The following TTLL5 variants were observed in gnomAD, a reference collection of about 807,000 sequenced individuals.
TTLL5 encodes the protein tubulin polyglutamylase TTLL5.
TTLL5 carries 132 observed loss-of-function variants against 168.4 expected under a neutral mutation model. That is an observed-to-expected ratio of 0.78 (90% CI 0.68 to 0.91). The LOEUF (loss-of-function observed/expected upper bound fraction) is 0.91, where lower values mean the gene tolerates loss of function less well. Among genes scored for constraint, TTLL5 ranks in the 40% least tolerant of loss-of-function variants. The probability of loss-of-function intolerance (pLI) is 0.00; values close to 1 mark genes in which losing one functional copy is unlikely to be tolerated. For synonymous variants in TTLL5, 546 were observed against 558.6 expected, an observed-to-expected ratio of 0.98 and a Z score of 0.32; for missense variants, 1,545 against 1,581.5, an observed-to-expected ratio of 0.98 and a Z score of 0.39.
chr14:75,928,536 C>T (rs1402428451), intron 31 of TTLL5, among the ~76,000 whole-genome samples: 1 of 151,642 alleles, frequency 6.6e-6, no homozygotes, highest in Admixed American at 6.6e-5. Flanking sequence ...TAGAATTAAA[C>T]TAATTAGAAT....
At chr14:75,936,020 T>C (rs1390098160) in intron 31 of TTLL5, among the ~76,000 whole-genome samples, 26 of 152,246 alleles carry the variant, frequency 1.7e-4, no homozygotes, top group Admixed American at 1.4e-3. Context: ...CTCTATTCTC[T>C]TAAATAGTAA....
At chr14:75,685,446 T>G (rs935246645) in intron 5 of TTLL5, among the ~76,000 whole-genome samples, 4 of 152,128 alleles carry the variant, frequency 2.6e-5, no homozygotes, top group Non-Finnish European at 5.9e-5. Flanking sequence ...CATCATATTC[T>G]TTGGAACAAT....
chr14:75,683,761 G>T, intron 5 of TTLL5, 105 bp downstream of exon 5: 4 of 785,466 alleles, frequency 5.1e-6, no homozygotes, highest in Non-Finnish European at 6.0e-6. Flanking sequence ...AGATGAAAAT[G>T]AAGAAGAAGA....
At chr14:75,830,272 G>T (rs554317003) in intron 28 of TTLL5, among the ~76,000 whole-genome samples, 13 of 152,300 alleles carry the variant, frequency 8.5e-5, no homozygotes, top group Non-Finnish European at 1.8e-4. Context: ...TCCAAAGTGA[G>T]CACCTGCATC....
At chr14:75,924,456 G>A (rs1392116926) in intron 31 of TTLL5, among the ~76,000 whole-genome samples, 1 of 151,744 alleles carries the variant, frequency 6.6e-6, no homozygotes, top group Admixed American at 6.6e-5. Context: ...GTGTCCCTGG[G>A]TACTTGAGAT....
At chr14:75,681,252 A>C (rs1209200994) in intron 3 of TTLL5, among the ~76,000 whole-genome samples, 2 of 152,216 alleles carry the variant, frequency 1.3e-5, no homozygotes, top group Admixed American at 6.5e-5. Context: ...GCAGGGTCAC[A>C]GATAATGTTA....
At chr14:75,662,820 G>A (rs1041334461) in intron 1 of TTLL5, among the ~76,000 whole-genome samples, 3 of 152,038 alleles carry the variant, frequency 2.0e-5, no homozygotes, top group African/African-American at 7.2e-5. Flanking sequence ...CTTAGTAACA[G>A]CTCTTCAAAT....
In TTLL5 at chr14:75,736,317, CT is replaced by C. The variant is rs758502075; in HGVS notation, c.1281+1032del. On this transcript the variant is annotated intron_variant, in intron 15 of 31. Coordinates refer to ENST00000298832, the MANE Select transcript of TTLL5 (RefSeq NM_015072.5). ...TCCACTCCCATTCCTGCTCTTGTTC[CT>C]TTTGCTTGCTAGTCTCATTTGGAGT... Among the ~76,000 whole-genome samples, 7 of 152,140 alleles carry C rather than the reference CT, an allele frequency of 4.6e-5. No individual in the cohort carries two copies. In the East Asian group the frequency reaches 1.4e-3, roughly 29 times the overall value.
rs138736527 is a variant in TTLL5 at position 75,770,620 on chromosome 14, G to A, written c.2016-1114G>A. On this transcript the variant is annotated intron_variant, in intron 20 of 31. Transcript: ENST00000298832. ...AACAGATCTGCCATGAACAGCAGCT[G>A]AGGTGAAAATCATCAGTGTCTCTCT... Among the ~76,000 whole-genome samples the A allele has an allele frequency of 3.5e-3, 529 of 152,332 alleles. 12 individuals are homozygous for A. Among genetic ancestry groups the A allele is most frequent in the Admixed American group, 0.028 (430 of 15,296 alleles).
intron 31 of TTLL5, among the ~76,000 whole-genome samples, chr14:75,942,854 T>A (rs1005810614): frequency 3.9e-5 from 6 of 152,150 alleles, no homozygotes; most frequent in Non-Finnish European, 8.8e-5. Flanking sequence ...TTACAGGTGC[T>A]TTAAGACTTT....
chr14:75,782,847 G>T (rs867242097), intron 25 of TTLL5, among the ~76,000 whole-genome samples: 9 of 152,244 alleles, frequency 5.9e-5, no homozygotes, highest in Middle Eastern at 3.4e-3. Context: ...TGTTGCTAGT[G>T]GAGACTTCAT....
chr14:75,686,419 C>T lies in TTLL5; in HGVS notation c.371+2763C>T, dbSNP rs114222294. ...TTTACTGTAATAGGATCATTATACT[C>T]TAAAATTAAGGCCTGTCTTGGGTCC... On this transcript the variant is annotated intron_variant, in intron 5 of 31. Coordinates refer to ENST00000298832, the MANE Select transcript of TTLL5 (RefSeq NM_015072.5). Among the ~76,000 whole-genome samples the T allele has an allele frequency of 9.3e-3, 1,417 of 152,234 alleles. 29 individuals carry two copies. The highest frequency in any genetic ancestry group is 0.032 in the African/African-American group (1,346 of 41,524).
intron 28 of TTLL5, among the ~76,000 whole-genome samples, chr14:75,854,923 CT>C (rs1417650679): frequency 6.6e-6 from 1 of 151,888 alleles, no homozygotes. Flanking sequence ...ATATACATAC[CT>C]ATATTGCAGA....
Position 75,687,826 on chromosome 14 carries a change from C to T in TTLL5, c.372-2366C>T, listed in dbSNP as rs115850919. 2.6e-3 allele frequency among the ~76,000 whole-genome samples: 396 copies of T among 152,078 alleles called. 1 individual carries two copies. The highest frequency in any genetic ancestry group is 9.1e-3 in the African/African-American group (376 of 41,440). Reference sequence around the variant, plus strand: ...ACAGGGATGGCAAATAAAAGAGGCTCGTGAAAAGATGCTCAATAGCATTAG... The same window carrying T: ...ACAGGGATGGCAAATAAAAGAGGCTTGTGAAAAGATGCTCAATAGCATTAG... On this transcript the variant is annotated intron_variant, in intron 5 of 31. Transcript: ENST00000298832.
At chr14:75,914,033 A>AAAAAAAAAAAAAAAAAATATATATATAT in intron 31 of TTLL5, among the ~76,000 whole-genome samples, 1 of 71,118 alleles carries the variant, frequency 1.4e-5, no homozygotes, top group Non-Finnish European at 2.1e-5. Flanking sequence ...AAAAAAAAAA[A>AAAAAAAAAAAAAAAAAATATATATATAT]ATATATATAT....
rs1381336547 is a variant in TTLL5, at chr14:75,842,200, G to A, written c.3327-21467G>A. On this transcript the variant is annotated intron_variant, in intron 28 of 31. Coordinates refer to ENST00000298832, the MANE Select transcript of TTLL5 (RefSeq NM_015072.5). ...ATTGGCATCCAAAAAGCCTATCCCA[G>A]TATATCCTCCAATCTGGAGTACAGA... Among the ~76,000 whole-genome samples, 7 of 152,302 alleles carry A rather than the reference G, an allele frequency of 4.6e-5. No individual in the cohort carries two copies. The East Asian group carries it at 1.2e-3, about 25-fold the overall frequency.
intron 21 of TTLL5, among the ~76,000 whole-genome samples, chr14:75,772,324 T>G (rs1292793708): frequency 6.6e-6 from 1 of 152,198 alleles, no homozygotes; most frequent in African/African-American, 2.4e-5. Context: ...TAAACTCAGA[T>G]GTACTTTACT....
At chr14:75,676,984 C>G (rs1378858405) in intron 3 of TTLL5, among the ~76,000 whole-genome samples, 2 of 152,002 alleles carry the variant, frequency 1.3e-5, no homozygotes, top group Admixed American at 6.6e-5. Flanking sequence ...GTTGCTCAGG[C>G]TGGACTCAAA....
chr14:75,827,769 A>T (rs1169990290), intron 28 of TTLL5, among the ~76,000 whole-genome samples: 2 of 122,414 alleles, frequency 1.6e-5, no homozygotes, highest in Non-Finnish European at 3.2e-5. Context: ...CACCAGGCTG[A>T]AGCTCATTGG....
Sources: gnomAD v4.1 joint callset for allele counts (sites outside exome capture counted in the v4.1 genomes callset) on GRCh38, gnomAD v4.1.1 for gene constraint, MANE v1.5 for transcripts, NCBI Gene and HGNC (gene_info 2026-07-23, HGNC 2026-07-21) for gene names.